KANK1: variants seen among roughly 807,000 people sequenced by gnomAD.
KANK1 encodes KN motif and ankyrin repeat domains 1.
KANK1 carries 109 observed loss-of-function variants against 106.2 expected under a neutral mutation model. The observed-to-expected ratio is 1.03, with a 90% CI of 0.88 to 1.20. The LOEUF is 1.20. KANK1 is among the 50% of genes most tolerant of loss of function. The pLI is 0.00. For missense variants in KANK1, 2,399 were observed against 1,710.7 expected (o/e 1.40, Z -7.10); for synonymous variants, 873 against 652.2 (o/e 1.34, Z -5.16).
intron 2 of KANK1, among the ~76,000 whole-genome samples, chr9:687,612 G>T (rs1818868965): frequency 6.6e-6 from 1 of 151,874 alleles, no homozygotes; most frequent in African/African-American, 2.4e-5. Flanking sequence ...ACCCTGCCCT[G>T]TTCCCCAGTT....
chr9:509,497 T>C (rs2058934202), intron 1 of KANK1, among the ~76,000 whole-genome samples: 1 of 152,254 alleles, frequency 6.6e-6, no homozygotes, highest in Admixed American at 6.5e-5. Flanking sequence ...AATTCTAATA[T>C]TCAATTTTGT....
chr9:715,310 CT>C (rs1193405805), intron 3 of KANK1, among the ~76,000 whole-genome samples: 3 of 152,112 alleles, frequency 2.0e-5, no homozygotes, highest in African/African-American at 7.2e-5. Context: ...CTTTGACATC[CT>C]TTTAAAAATC....
At chr9:701,275 G>C (rs990658264) in intron 2 of KANK1, among the ~76,000 whole-genome samples, 1 of 152,080 alleles carries the variant, frequency 6.6e-6, no homozygotes, top group African/African-American at 2.4e-5. Flanking sequence ...CACCATGCTG[G>C]GCTAATTTTG....
intron 1 of KANK1, chr9:540,402 A>G (rs1189642510): frequency 6.6e-6 from 1 of 152,210 alleles, no homozygotes; most frequent in Non-Finnish European, 1.5e-5. Flanking sequence ...TTCATGGTGT[A>G]TGATCCTTTT....
At chr9:609,983 G>C (rs1361851435) in intron 1 of KANK1, among the ~76,000 whole-genome samples, 3 of 152,030 alleles carry the variant, frequency 2.0e-5, no homozygotes, top group Non-Finnish European at 4.4e-5. Context: ...TGAGGTGTCA[G>C]GACTTTCCAC....
At chr9:637,317 C>T (rs970819426) in intron 1 of KANK1, among the ~76,000 whole-genome samples, 3 of 152,152 alleles carry the variant, frequency 2.0e-5, no homozygotes, top group African/African-American at 7.2e-5. Context: ...GGCCTTTCAT[C>T]ATCTGTGACA....
At position 559,532 on chromosome 9, in the gene KANK1, C is replaced by A. The variant is rs984307592; in HGVS notation, c.-84+54778C>A. On this transcript the variant is annotated intron_variant, in intron 1 of 11. Coordinates refer to ENST00000382297, the MANE Select transcript of KANK1 (RefSeq NM_015158.5). The stretch of plus-strand genomic sequence containing the variant: ...TCTTGGGACACTTAAAAAAGTCTTG[C>A]AGAGGCAATCTGCTTGAAAATGCTG... Among the ~76,000 whole-genome samples, 10 of 152,134 alleles carry A rather than the reference C, an allele frequency of 6.6e-5. No homozygotes were observed. In the East Asian group the frequency reaches 1.9e-3, roughly 29 times the overall value.
chr9:680,299 C>G (rs1215663525), intron 2 of KANK1, among the ~76,000 whole-genome samples: 2 of 152,130 alleles, frequency 1.3e-5, no homozygotes, highest in Admixed American at 6.5e-5. Flanking sequence ...CATCCGACGA[C>G]TGATCATCTC....
chr9:595,945 C>A (rs192050199), intron 1 of KANK1, among the ~76,000 whole-genome samples: 3 of 151,842 alleles, frequency 2.0e-5, no homozygotes, highest in Admixed American at 2.0e-4. Context: ...AGAAGTATTT[C>A]GGACTTTGGA....
At chr9:668,127 T>G (rs1344503098) in intron 1 of KANK1, among the ~76,000 whole-genome samples, 1 of 152,220 alleles carries the variant, frequency 6.6e-6, no homozygotes, top group African/African-American at 2.4e-5. Flanking sequence ...TTGAGACTTG[T>G]TTTGTGGCCT....
At chr9:713,990 G>C (rs547971965) in intron 3 of KANK1, among the ~76,000 whole-genome samples, 1 of 152,164 alleles carries the variant, frequency 6.6e-6, no homozygotes, top group Non-Finnish European at 1.5e-5. Flanking sequence ...CGTAGTCCCA[G>C]CTACTCTAGA....
At chr9:532,237 C>A (rs1225692469) in intron 1 of KANK1, among the ~76,000 whole-genome samples, 1 of 107,770 alleles carries the variant, frequency 9.3e-6, no homozygotes, top group Non-Finnish European at 1.9e-5. Flanking sequence ...GAGCATTTGT[C>A]TTTTTTTTTT....
chr9:511,902 A>G (rs771775838), intron 1 of KANK1, among the ~76,000 whole-genome samples: 5 of 152,156 alleles, frequency 3.3e-5, no homozygotes, highest in Non-Finnish European at 7.3e-5. Context: ...TCTGTGGGTC[A>G]GGGATTCAGG....
At position 738,312 on chromosome 9, in the gene KANK1, G is replaced by A. The variant is rs779136001; in HGVS notation, c.3361G>A (p.Glu1121Lys). The change falls in exon 8 of 12, where the codon GAG becomes AAG. Residue 1121 changes from glutamate to lysine, a missense_variant. Transcript: ENST00000382297. ...MRFCLNTLQH[E>K]WFRVSSQKSA... Reference sequence around the variant, plus strand: ...GTTCTGTCTGAACACCCTCCAGCACGAGTGGTTCCGCGTGTCCAGTCAGAA... The same window carrying A: ...GTTCTGTCTGAACACCCTCCAGCACAAGTGGTTCCGCGTGTCCAGTCAGAA... The A allele has an allele frequency of 8.1e-6, 13 of 1,613,722 alleles. No homozygotes were observed. The highest frequency in any genetic ancestry group is 1.1e-5 in the South Asian group (1 of 90,910).
At chr9:533,096 G>C (rs1448671884) in intron 1 of KANK1, among the ~76,000 whole-genome samples, 1 of 152,182 alleles carries the variant, frequency 6.6e-6, no homozygotes, top group African/African-American at 2.4e-5. Context: ...GTGCCATGGA[G>C]ATATTGTGAC....
chr9:693,554 G>T (rs1820495693), intron 2 of KANK1: 1 of 985,398 alleles, frequency 1.0e-6, no homozygotes, highest in Non-Finnish European at 1.2e-6. Flanking sequence ...TAGCAGTTTT[G>T]TTTGTTGGTA....
intron 1 of KANK1, among the ~76,000 whole-genome samples, chr9:627,044 A>T (rs1834518040): frequency 6.7e-6 from 1 of 148,270 alleles, no homozygotes; most frequent in African/African-American, 2.5e-5. Context: ...TGTACCCTTT[A>T]TTCCAAGGGG....
At chr9:687,568 C>T (rs1301911292) in intron 2 of KANK1, among the ~76,000 whole-genome samples, 1 of 152,114 alleles carries the variant, frequency 6.6e-6, no homozygotes, top group African/African-American at 2.4e-5. Context: ...AAGATAGGGG[C>T]ATCTGCTCCC....
intron 1 of KANK1, among the ~76,000 whole-genome samples, chr9:622,965 A>G (rs1006791363): frequency 6.6e-6 from 1 of 152,152 alleles, no homozygotes; most frequent in Non-Finnish European, 1.5e-5. Context: ...AGAAGAAAAC[A>G]CAGGGGAAAA....
Sources: gnomAD v4.1 joint callset for allele counts (sites outside exome capture counted in the v4.1 genomes callset) on GRCh38, gnomAD v4.1.1 for gene constraint, MANE v1.5 for transcripts, NCBI Gene and HGNC (gene_info 2026-07-23, HGNC 2026-07-21) for gene names.